MCF2L: variants seen among roughly 807,000 people sequenced by gnomAD.
MCF2L encodes the protein MCF.2 cell line derived transforming sequence like.
In MCF2L, 97 loss-of-function variants were observed where a neutral mutation model predicts 153.4. That is an observed-to-expected ratio of 0.63 (90% confidence interval 0.54 to 0.75). The LOEUF is 0.75. MCF2L is among the 30% of genes least tolerant of loss of function. MCF2L has a pLI of 0.00. For synonymous variants in MCF2L, 659 were observed against 632.2 expected (o/e 1.04, Z -0.64); for missense variants, 1,347 against 1,495.2 (o/e 0.90, Z 1.64).
At chr13:113,066,956 G>C (rs558432185) in intron 8 of MCF2L, among the ~76,000 whole-genome samples, 1 of 152,242 alleles carries the variant, frequency 6.6e-6, no homozygotes, top group Admixed American at 6.5e-5. Context: ...CTCTGCCAGG[G>C]ACATGCCAAG....
At chr13:113,016,669 G>A (rs560306705) in intron 2 of MCF2L, among the ~76,000 whole-genome samples, 26 of 152,086 alleles carry the variant, frequency 1.7e-4, no homozygotes, top group Admixed American at 1.6e-3. Flanking sequence ...GAGGCAGGCT[G>A]CCTCCCCATC....
At chr13:112,918,369 T>C (rs2081317153) in intron 2 of MCF2L, among the ~76,000 whole-genome samples, 2 of 152,176 alleles carry the variant, frequency 1.3e-5, no homozygotes, top group Non-Finnish European at 2.9e-5. Flanking sequence ...GTTGGGGAAC[T>C]CCAGTAGACT....
rs575186448 is a variant in MCF2L, at chr13:113,089,227, C to T, written c.2835-383C>T. Among the ~76,000 whole-genome samples the T allele has an allele frequency of 1.2e-4, 15 of 124,986 alleles. 1 individual carries two copies. Among genetic ancestry groups the T allele is most frequent in the African/African-American group, 4.1e-4 (14 of 34,076 alleles). The allele number at this position is 124,986 out of a possible 152,430, so 82.0% of individuals were successfully genotyped here. On this transcript the variant is annotated intron_variant, in intron 25 of 29. Coordinates refer to ENST00000535094, the MANE Select transcript of MCF2L (RefSeq NM_001112732.3). ...CATACTTCAGAGCAAGTAGGGTGGGCGTCTGTTCTCATCCAGCCCGTCCGG... is the reference window on the plus strand; with the variant it reads ...CATACTTCAGAGCAAGTAGGGTGGGTGTCTGTTCTCATCCAGCCCGTCCGG...
intron 3 of MCF2L, chr13:113,044,973 C>G (rs934961034): frequency 6.6e-7 from 1 of 1,526,474 alleles, no homozygotes; most frequent in Non-Finnish European, 8.9e-7. Flanking sequence ...TGTGGAATAG[C>G]AAATGACTGA....
In MCF2L at chr13:112,904,058, C is replaced by T. The variant is rs986437492; in HGVS notation, c.169+1687C>T. ...AACTGCCCGTGGCCACTCAGAACCTCGGACTGGTGCCTTTCCCTGAGCGCC... is the reference window on the plus strand; with the variant it reads ...AACTGCCCGTGGCCACTCAGAACCTTGGACTGGTGCCTTTCCCTGAGCGCC... On this transcript the variant is annotated intron_variant, in intron 2 of 29. Coordinates refer to the MCF2L transcript ENST00000375608. This position sits in a 1 kb window ranked among gnomAD's most constrained non-coding sequence, Gnocchi z 4.2. Among the ~76,000 whole-genome samples, 1 of 152,094 alleles carries T rather than the reference C, an allele frequency of 6.6e-6. No individual in the cohort carries two copies. The highest frequency in any genetic ancestry group is 1.5e-5 in the Non-Finnish European group (1 of 68,024).
chr13:113,076,616 G>A (rs2033505504), intron 12 of MCF2L, among the ~76,000 whole-genome samples: 1 of 152,250 alleles, frequency 6.6e-6, no homozygotes, highest in South Asian at 2.1e-4. Context: ...ACACACAGTT[G>A]GGAGGTCAAG....
intron 2 of MCF2L, among the ~76,000 whole-genome samples, chr13:112,925,911 A>G (rs1262190281): frequency 6.6e-6 from 1 of 152,268 alleles, no homozygotes; most frequent in Non-Finnish European, 1.5e-5. Context: ...ACAGACTGGA[A>G]AAAATATTGG....
chr13:113,001,884 G>A (rs760658086), intron 1 of MCF2L: 26 of 1,575,852 alleles, frequency 1.6e-5, no homozygotes, highest in East Asian at 4.6e-5. Flanking sequence ...GAGCCGGGTC[G>A]GGGGCTCCTG....
rs542626824 is a variant in MCF2L, at chr13:112,991,173, G to A, written c.79+21715G>A. Among the ~76,000 whole-genome samples the A allele has an allele frequency of 4.1e-3, 625 of 152,316 alleles. 2 individuals carry two copies. The highest frequency in any genetic ancestry group is 5.9e-3 in the Non-Finnish European group (401 of 68,036). On this transcript the variant is annotated intron_variant, in intron 1 of 29. Coordinates refer to ENST00000535094, the MANE Select transcript of MCF2L (RefSeq NM_001112732.3). Reference sequence around the variant, plus strand: ...GTGTGGCCACAGCACTGCCCTCACTGAGGCTTTCTGCGAAATCCGGCCGCC... The same window carrying A: ...GTGTGGCCACAGCACTGCCCTCACTAAGGCTTTCTGCGAAATCCGGCCGCC...
At chr13:112,944,352 C>T (rs565965918) in intron 2 of MCF2L, among the ~76,000 whole-genome samples, 1 of 152,174 alleles carries the variant, frequency 6.6e-6, no homozygotes, top group African/African-American at 2.4e-5. Context: ...CTGGGCCAAT[C>T]CCTACAGCGT....
At chr13:113,018,546 C>T (rs1438939193) in intron 2 of MCF2L, among the ~76,000 whole-genome samples, 1 of 152,146 alleles carries the variant, frequency 6.6e-6, no homozygotes, top group Non-Finnish European at 1.5e-5. Flanking sequence ...ATGGGTGCTC[C>T]AAACCCAGAG....
chr13:113,038,026 T>TA, intron 3 of MCF2L, among the ~76,000 whole-genome samples: 2 of 152,298 alleles, frequency 1.3e-5, no homozygotes, highest in South Asian at 4.1e-4. Flanking sequence ...TTTAGTATTT[T>TA]TATATATATC....
At position 113,094,892 on chromosome 13, in the gene MCF2L, G is replaced by C; in HGVS notation, c.3075+257G>C. 3.3e-6 allele frequency: 4 copies of C among 1,216,336 alleles called. No individual in the cohort carries two copies. In the South Asian group the frequency reaches 3.8e-5, roughly 12 times the overall value. 75.3% of individuals were successfully genotyped at this position (1,216,336 alleles called of 1,614,324 possible). A position where few individuals can be genotyped will look rare whatever the true frequency, so the allele number is the denominator to read the frequency against. On this transcript the variant is annotated intron_variant, in intron 27 of 29. Coordinates refer to ENST00000535094, the MANE Select transcript of MCF2L (RefSeq NM_001112732.3). ...CTCTCTGGAAGGTCCACCTGGGCCTGGGTCTTAGGATGCAGCCCCAGCTCC... is the reference window on the plus strand; with the variant it reads ...CTCTCTGGAAGGTCCACCTGGGCCTCGGTCTTAGGATGCAGCCCCAGCTCC...
intron 3 of MCF2L, among the ~76,000 whole-genome samples, chr13:113,030,240 C>T (rs970897803): frequency 2.6e-5 from 4 of 151,360 alleles, no homozygotes; most frequent in East Asian, 1.9e-4. Context: ...CTCAGGTGTC[C>T]GCTGACGCAG....
chr13:112,901,551 GAC>G (rs1174855458), intron 1 of MCF2L, among the ~76,000 whole-genome samples: 6 of 152,230 alleles, frequency 3.9e-5, no homozygotes, highest in Non-Finnish European at 8.8e-5. Context: ...TGTGCTGAAA[GAC>G]AGCACGGAAA....
intron 2 of MCF2L, among the ~76,000 whole-genome samples, chr13:112,923,919 G>A (rs1594333642): frequency 6.6e-6 from 1 of 152,286 alleles, no homozygotes. Context: ...GGGCAGGCCA[G>A]TTATGTTGTA....
chr13:112,943,879 A>G lies in MCF2L; in HGVS notation c.169+41508A>G, dbSNP rs2081604013. Among the ~76,000 whole-genome samples the G allele has an allele frequency of 6.6e-6, 1 of 151,576 alleles. No individual in the cohort carries two copies. The highest frequency in any genetic ancestry group is 6.6e-5 in the Admixed American group (1 of 15,252). On this transcript the variant is annotated intron_variant, in intron 2 of 29. Coordinates refer to the MCF2L transcript ENST00000375608. This position sits in a 1 kb window ranked among gnomAD's most constrained non-coding sequence, Gnocchi z 4.2. ...CAGCGGGGACAGCGCGGCCCCGAGA[A>G]CTGAGAACTGAGAGGGAGACGCTCT... is the stretch of plus-strand genomic sequence containing the variant.
At chr13:112,895,983 G>A (rs1394451081) in intron 1 of MCF2L, among the ~76,000 whole-genome samples, 1 of 152,212 alleles carries the variant, frequency 6.6e-6, no homozygotes, top group African/African-American at 2.4e-5. Flanking sequence ...CCCCTCCCCT[G>A]GGGGCCTGAC....
chr13:113,083,959 G>A (rs1423173010), intron 17 of MCF2L, 39 bp from the exon 18 acceptor site: 1 of 1,468,492 alleles, frequency 6.8e-7, no homozygotes, highest in Non-Finnish European at 9.5e-7. Flanking sequence ...ACGTGACTCG[G>A]CCTGTCTTTC....
Sources: allele counts gnomAD v4.1 joint callset (sites outside exome capture counted in the v4.1 genomes callset), GRCh38; gene constraint gnomAD v4.1.1; non-coding constraint Gnocchi (gnomAD v3.1); transcripts MANE v1.5; gene names NCBI Gene and HGNC (gene_info 2026-07-23, HGNC 2026-07-21).